PCDHGA8: variants seen among roughly 807,000 people sequenced by gnomAD.
PCDHGA8 encodes the protein protocadherin gamma subfamily A, 8.
In PCDHGA8, 45 loss-of-function variants were observed where a neutral mutation model predicts 59.2. The ratio of observed to expected loss-of-function variants is 0.76; its 90% CI spans 0.60 to 0.98. The LOEUF is 0.98. Among genes scored for constraint, PCDHGA8 ranks in the 50% least tolerant of loss-of-function variants. The pLI is 0.00. For missense variants in PCDHGA8, 1,257 were observed against 1,196.2 expected (o/e 1.05, Z -0.75); for synonymous variants, 531 against 519.0 (o/e 1.02, Z -0.32).
At chr5:141,481,356 T>A (rs1214829594) in intron 1 of PCDHGA8, among the ~76,000 whole-genome samples, 1 of 152,260 alleles carries the variant, frequency 6.6e-6, no homozygotes, top group East Asian at 1.9e-4. Context: ...CATCTACAGC[T>A]GTTCAATAGA....
chr5:141,423,082 G>A (rs1390567548), intron 1 of PCDHGA8: 3 of 1,614,078 alleles, frequency 1.9e-6, no homozygotes, highest in Admixed American at 1.7e-5. Flanking sequence ...GGGACTCTTC[G>A]CGGTGGGGGA....
rs1257933448 is a variant in PCDHGA8, at chr5:141,490,285, G to C, written c.2425-4522G>C. 3 of 1,614,106 alleles carry C rather than the reference G, an allele frequency of 1.9e-6. No homozygotes were observed. In the African/African-American group the frequency reaches 4.0e-5, roughly 22 times the overall value. On this transcript the variant is annotated intron_variant, in intron 1 of 3. Coordinates refer to ENST00000398604, the MANE Select transcript of PCDHGA8 (RefSeq NM_032088.2). This position sits in a 1 kb window ranked among gnomAD's most constrained non-coding sequence, Gnocchi z 5.4. ...GGGGGATGTCAATGACAATGCCCCAGAGGTGCTATTGGCCTCTTTGGCCAA... is the reference window on the plus strand; with the variant it reads ...GGGGGATGTCAATGACAATGCCCCACAGGTGCTATTGGCCTCTTTGGCCAA...
chr5:141,487,811 A>T lies in PCDHGA8; in HGVS notation c.2425-6996A>T, dbSNP rs1389081995. 2.1e-6 allele frequency: 3 copies of T among 1,414,662 alleles called. No homozygotes were observed. In the African/African-American group the frequency reaches 4.3e-5, roughly 20 times the overall value. 87.6% of individuals were successfully genotyped at this position (1,414,662 alleles called of 1,614,324 possible). A position where few individuals can be genotyped will look rare whatever the true frequency, so the allele number is the denominator to read the frequency against. ...TTAACCAGAGTTGTCACAGTTTAGCATTGGGGGCGGGTCATGCCTATATCT... is the reference window on the plus strand; with the variant it reads ...TTAACCAGAGTTGTCACAGTTTAGCTTTGGGGGCGGGTCATGCCTATATCT... On this transcript the variant is annotated intron_variant, in intron 1 of 3. Transcript: ENST00000398604. The surrounding 1 kb of genome is among the most constrained non-coding windows in gnomAD (Gnocchi z 5.0).
At chr5:141,508,324 G>A (rs1668975090) in intron 3 of PCDHGA8, 1 of 151,252 alleles carries the variant, frequency 6.6e-6, no homozygotes, top group African/African-American at 2.4e-5. Flanking sequence ...GAGGGGCACT[G>A]GAGAACTGAC....
intron 1 of PCDHGA8, among the ~76,000 whole-genome samples, chr5:141,439,161 C>T (rs1384707803): frequency 6.6e-6 from 1 of 150,850 alleles, no homozygotes; most frequent in Non-Finnish European, 1.5e-5. Flanking sequence ...CCACTGCACT[C>T]CAGCCTGGGC....
In PCDHGA8 at chr5:141,429,386, T is replaced by A. The variant is rs534045300; in HGVS notation, c.2424+34149T>A. Among the ~76,000 whole-genome samples the A allele has an allele frequency of 4.0e-3, 602 of 151,936 alleles. 6 individuals carry two copies. The highest frequency in any genetic ancestry group is 0.011 in the Admixed American group (171 of 15,268). On this transcript the variant is annotated intron_variant, in intron 1 of 3. Coordinates refer to ENST00000398604, the MANE Select transcript of PCDHGA8 (RefSeq NM_032088.2). ...AAAATGGAGAAAATGTGTTTTTTTTTTAAAAAAAATTGAGATTAAGGTCTC... is the reference window on the plus strand; with the variant it reads ...AAAATGGAGAAAATGTGTTTTTTTTATAAAAAAAATTGAGATTAAGGTCTC...
At chr5:141,467,055 C>CTTTTTTTTTTTT (rs1193465269) in intron 1 of PCDHGA8, among the ~76,000 whole-genome samples, 1 of 134,498 alleles carries the variant, frequency 7.4e-6, no homozygotes. Context: ...TCAATGTTTT[C>CTTTTTTTTTTTT]TTTTTTTTTT....
chr5:141,429,389 A>ATTT (rs1561841246), intron 1 of PCDHGA8, among the ~76,000 whole-genome samples: 155 of 147,652 alleles, frequency 1.0e-3, no homozygotes, highest in African/African-American at 3.7e-3. Flanking sequence ...TTTTTTTTTA[A>ATTT]AAAAAATTGA....
chr5:141,399,173 T>C, intron 1 of PCDHGA8: 1 of 1,613,830 alleles, frequency 6.2e-7, no homozygotes, highest in East Asian at 2.2e-5. Context: ...CATTCTCTAC[T>C]TGAAATGATT....
At chr5:141,471,963 T>C (rs2024084) in intron 1 of PCDHGA8, among the ~76,000 whole-genome samples, 27,680 of 152,068 alleles carry the variant, frequency 0.18, 3,629 homozygotes, top group African/African-American at 0.37. Context: ...GTGGGGTTGG[T>C]TGCATTACTG....
chr5:141,433,921 T>G (rs1203867326), intron 1 of PCDHGA8, among the ~76,000 whole-genome samples: 2 of 152,012 alleles, frequency 1.3e-5, no homozygotes, highest in African/African-American at 4.8e-5. Flanking sequence ...CACCTCCAAA[T>G]GAAGATTTTA....
chr5:141,509,602 C>T (rs921950654), intron 3 of PCDHGA8, among the ~76,000 whole-genome samples: 8 of 152,194 alleles, frequency 5.3e-5, no homozygotes, highest in Non-Finnish European at 8.8e-5. Context: ...TTCCGAGAGG[C>T]TGCATTCTAA....
rs72790033 is a variant in PCDHGA8 at position 141,395,122 on chromosome 5, T to C, written c.2309T>C (p.Phe770Ser). The change falls in exon 1 of 4, where the codon TTT (phenylalanine) becomes TCT (serine). Residue 770 changes from phenylalanine to serine, a missense_variant. Coordinates refer to ENST00000398604, the MANE Select transcript of PCDHGA8 (RefSeq NM_032088.2). ...GACTCGCGGAAGAGTCACCTGATCT[T>C]TCCCCAGCCCAACTACGCAGACATG... is the stretch of plus-strand genomic sequence containing the variant. ...TADSRKSHLI[F>S]PQPNYADMLI... is the part of the protein sequence containing the mutation. The C allele has an allele frequency of 0.028, 44,899 of 1,614,158 alleles. 731 individuals carry two copies. Among genetic ancestry groups the C allele is most frequent in the Non-Finnish European group, 0.032 (37,582 of 1,180,016 alleles).
chr5:141,477,804 A>G lies in PCDHGA8; in HGVS notation c.2425-17003A>G. The G allele has an allele frequency of 6.2e-7, 1 of 1,614,088 alleles. No individual in the cohort carries two copies. ...ATATTTGTCACTGATCGCAATGACA[A>G]TGCCCCCCAGGTCCTATATCCTCGG... On this transcript the variant is annotated intron_variant, in intron 1 of 3. Transcript: ENST00000398604. The surrounding 1 kb of genome is among the most constrained non-coding windows in gnomAD (Gnocchi z 4.9).
intron 1 of PCDHGA8, among the ~76,000 whole-genome samples, chr5:141,435,225 A>G (rs919735003): frequency 5.9e-5 from 9 of 152,188 alleles, no homozygotes; most frequent in Non-Finnish European, 1.2e-4. Context: ...CTTTCTTTCA[A>G]AGTTCAGTAA....
Position 141,410,843 on chromosome 5 carries a change from CTT to C in PCDHGA8, c.2424+15608_2424+15609del, listed in dbSNP as rs1452086070. 5.3e-4 allele frequency: 115 copies of C among 216,326 alleles called. 1 individual carries two copies. In the East Asian group the frequency reaches 7.7e-3, roughly 14 times the overall value. 13.4% of individuals were successfully genotyped at this position (216,326 alleles called of 1,614,324 possible). A position where few individuals can be genotyped will look rare whatever the true frequency, so the allele number is the denominator to read the frequency against. The stretch of plus-strand genomic sequence containing the variant: ...TGTCACCAGACTGAAGATATTTTGT[CTT>C]TGTCTTTTTTTTTTTTTTTTTTTTT... On this transcript the variant is annotated intron_variant, in intron 1 of 3. Transcript: ENST00000398604.
At chr5:141,399,192 C>T (rs1561668217) in intron 1 of PCDHGA8, 1 of 1,613,846 alleles carries the variant, frequency 6.2e-7, no homozygotes, top group Non-Finnish European at 8.5e-7. Flanking sequence ...TTCTGGAAAA[C>T]GCGGTGCCTG....
intron 1 of PCDHGA8, among the ~76,000 whole-genome samples, chr5:141,433,408 A>ATCT (rs1413347413): frequency 3.1e-3 from 395 of 127,344 alleles, no homozygotes; most frequent in African/African-American, 0.011. Context: ...TCTATCTATT[A>ATCT]CTTTCTTGTA....
intron 1 of PCDHGA8, chr5:141,413,580 A>G (rs1216926250): frequency 5.0e-6 from 8 of 1,613,804 alleles, no homozygotes; most frequent in Non-Finnish European, 1.7e-6. Context: ...ACAATGCTCC[A>G]AAATTCCAAG....
Sources: gnomAD v4.1 joint callset for allele counts (sites outside exome capture counted in the v4.1 genomes callset) on GRCh38, gnomAD v4.1.1 for gene constraint, Gnocchi (gnomAD v3.1) non-coding constraint, MANE v1.5 for transcripts, NCBI Gene and HGNC (gene_info 2026-07-23, HGNC 2026-07-21) for gene names.